The following LOC128462377 variants were observed in gnomAD, a reference collection of about 807,000 sequenced individuals.
chr16:89,358,692 C>A, the LOC128462377 span, among the ~76,000 whole-genome samples: 3,121 of 152,354 alleles, frequency 0.02, 117 homozygotes, highest in African/African-American at 0.072. Flanking sequence ...TGACAACCCA[C>A]AAGCTGCCCT....
chr16:89,367,146 G>C, the LOC128462377 span, among the ~76,000 whole-genome samples: 4,433 of 152,166 alleles, frequency 0.029, 146 homozygotes, highest in African/African-American at 0.075. Flanking sequence ...CGCACCCATC[G>C]GTGAGGAAGA....
the LOC128462377 span, among the ~76,000 whole-genome samples, chr16:89,374,714 G>C: frequency 6.6e-6 from 1 of 152,164 alleles, no homozygotes; most frequent in Non-Finnish European, 1.5e-5. Flanking sequence ...GCTCAGGTAA[G>C]GACCAGAAAA....
At chr16:89,393,332 A>G in the LOC128462377 span, among the ~76,000 whole-genome samples, 25 of 139,710 alleles carry the variant, frequency 1.8e-4, no homozygotes, top group South Asian at 5.6e-3. Context: ...TTTTTTTGAG[A>G]CGGAGGCTTG....
At chr16:89,355,724 G>A in the LOC128462377 span, among the ~76,000 whole-genome samples, 2 of 152,214 alleles carry the variant, frequency 1.3e-5, no homozygotes, top group African/African-American at 4.8e-5. Context: ...ATCTTGTTAT[G>A]AGCATCCACC....
chr16:89,404,015 A>G, the LOC128462377 span, among the ~76,000 whole-genome samples: 1 of 152,194 alleles, frequency 6.6e-6, no homozygotes, highest in African/African-American at 2.4e-5. Flanking sequence ...AATGCAAGAG[A>G]CTCAGAACTA....
At chr16:89,317,760 TTTTA>T in the LOC128462377 span, among the ~76,000 whole-genome samples, 2 of 152,202 alleles carry the variant, frequency 1.3e-5, no homozygotes, top group Non-Finnish European at 2.9e-5. Flanking sequence ...TGTATATTAT[TTTTA>T]TTTATTAATC....
At chr16:89,365,953 A>G in the LOC128462377 span, among the ~76,000 whole-genome samples, 11 of 152,130 alleles carry the variant, frequency 7.2e-5, no homozygotes, top group African/African-American at 2.6e-4. Context: ...AAGTGACAAC[A>G]CGCAGTATTT....
the LOC128462377 span, among the ~76,000 whole-genome samples, chr16:89,359,721 C>T: frequency 5.9e-5 from 9 of 152,314 alleles, no homozygotes; most frequent in Middle Eastern, 0.01. Flanking sequence ...GCATTTTCAA[C>T]GGTCTTCATA....
chr16:89,375,216 T>G, the LOC128462377 span, among the ~76,000 whole-genome samples: 2 of 152,224 alleles, frequency 1.3e-5, no homozygotes, highest in East Asian at 3.9e-4. Context: ...GGTATCCGCT[T>G]AAAACACCGT....
the LOC128462377 span, among the ~76,000 whole-genome samples, chr16:89,327,544 C>T: frequency 4.4e-3 from 665 of 152,308 alleles, 6 homozygotes; most frequent in African/African-American, 0.016. Context: ...CCAAGATCAA[C>T]ACACAAACAC....
chr16:89,361,916 G>A, the LOC128462377 span, among the ~76,000 whole-genome samples: 1 of 152,212 alleles, frequency 6.6e-6, no homozygotes, highest in Non-Finnish European at 1.5e-5. Flanking sequence ...AGGTCAGACG[G>A]GGCAGCAATG....
At chr16:89,372,033 ACTGAG>A in the LOC128462377 span, among the ~76,000 whole-genome samples, 3 of 152,352 alleles carry the variant, frequency 2.0e-5, no homozygotes, top group South Asian at 6.2e-4. Flanking sequence ...TGAAGCCAGG[ACTGAG>A]CACTCACACT....
the LOC128462377 span, among the ~76,000 whole-genome samples, chr16:89,403,131 C>G: frequency 6.6e-6 from 1 of 152,294 alleles, no homozygotes; most frequent in East Asian, 1.9e-4. Context: ...GTGACGTGCC[C>G]TCGTGCTTTC....
the LOC128462377 span, among the ~76,000 whole-genome samples, chr16:89,409,717 T>A: frequency 7.0e-3 from 1,073 of 152,352 alleles, 52 homozygotes; most frequent in Admixed American, 0.062. Flanking sequence ...CACTGAAGTT[T>A]AGAATACAGT....
At chr16:89,320,625 G>A in the LOC128462377 span, among the ~76,000 whole-genome samples, 2 of 152,032 alleles carry the variant, frequency 1.3e-5, no homozygotes, top group Admixed American at 1.3e-4. Flanking sequence ...AGGGTGGTGG[G>A]AGTCCCCCAC....
At chr16:89,327,688 C>G in the LOC128462377 span, among the ~76,000 whole-genome samples, 1 of 86,236 alleles carries the variant, frequency 1.2e-5, no homozygotes, top group Non-Finnish European at 2.2e-5. Flanking sequence ...TAGCAATAAT[C>G]AAATAAAAAC....
the LOC128462377 span, among the ~76,000 whole-genome samples, chr16:89,409,494 G>C: frequency 2.6e-5 from 4 of 152,314 alleles, no homozygotes; most frequent in Admixed American, 2.6e-4. Context: ...GTGTGAGGGA[G>C]ATGAGCAAGA....
At chr16:89,357,188 C>T in the LOC128462377 span, among the ~76,000 whole-genome samples, 52 of 152,306 alleles carry the variant, frequency 3.4e-4, no homozygotes, top group African/African-American at 1.2e-3. Context: ...AACACACCTT[C>T]GAAGATGAGT....
the LOC128462377 span, among the ~76,000 whole-genome samples, chr16:89,415,215 A>C: frequency 1.4e-4 from 21 of 149,598 alleles, no homozygotes; most frequent in African/African-American, 4.9e-4. Context: ...CTTCCTCCCA[A>C]AGTGCTGGGA....
Sources: gnomAD v4.1 joint callset for allele counts (sites outside exome capture counted in the v4.1 genomes callset) on GRCh38, gnomAD v4.1.1 for gene constraint, MANE v1.5 for transcripts.